The following KDM2B variants were observed in gnomAD, a reference collection of about 807,000 sequenced individuals.
KDM2B encodes the protein lysine demethylase 2B.
Under a neutral mutation model 150.0 loss-of-function variants are expected in KDM2B, and 26 were observed. The ratio of observed to expected loss-of-function variants is 0.17; its 90% CI spans 0.13 to 0.24. The LOEUF (loss-of-function observed/expected upper bound fraction) is 0.24, where lower values mean the gene tolerates loss of function less well. Among genes scored for constraint, KDM2B ranks in the 10% least tolerant of loss-of-function variants. The probability of loss-of-function intolerance (pLI) is 1.00; values close to 1 mark genes in which losing one functional copy is unlikely to be tolerated. For synonymous variants in KDM2B, 734 were observed against 729.5 expected, an observed-to-expected ratio of 1.01 and a Z score of -0.10; for missense variants, 1,265 against 1,816.9, an observed-to-expected ratio of 0.70 and a Z score of 5.52.
intron 12 of KDM2B, among the ~76,000 whole-genome samples, chr12:121,493,646 C>T (rs1216559006): frequency 5.3e-5 from 8 of 152,094 alleles, no homozygotes; most frequent in Non-Finnish European, 7.4e-5. Context: ...GCTGTCCTAA[C>T]GGGTGACTTG....
chr12:121,473,583 A>T (rs1275740900), intron 12 of KDM2B, among the ~76,000 whole-genome samples: 2 of 150,448 alleles, frequency 1.3e-5, no homozygotes, highest in African/African-American at 4.9e-5. Flanking sequence ...GCCAGGCATG[A>T]TGGCACACGC....
intron 12 of KDM2B, among the ~76,000 whole-genome samples, chr12:121,490,674 C>A (rs1346638388): frequency 1.3e-5 from 2 of 152,186 alleles, no homozygotes; most frequent in African/African-American, 4.8e-5. Context: ...AGGAAGCAGC[C>A]AGAGTGTAGA....
In KDM2B at chr12:121,534,644, C is replaced by T. The variant is rs115940813; in HGVS notation, c.684-54G>A. The T allele has an allele frequency of 4.0e-3, 5,543 of 1,386,992 alleles. 173 individuals carry two copies. In the African/African-American group the frequency reaches 0.07, roughly 17 times the overall value. 85.9% of individuals were successfully genotyped at this position (1,386,992 alleles called of 1,614,324 possible). On this transcript the variant is annotated intron_variant, in intron 6 of 22. Coordinates refer to ENST00000377071, the MANE Select transcript of KDM2B (RefSeq NM_032590.5). ...ACAAGTCAAGATCTAAATCACAAGA[C>T]GTAAGCAAAGGACTTCAGAGGTCCT...
chr12:121,564,806 G>T (rs1381317194), intron 4 of KDM2B, among the ~76,000 whole-genome samples: 1 of 146,476 alleles, frequency 6.8e-6, no homozygotes, highest in Non-Finnish European at 1.5e-5. Flanking sequence ...CACAAGACAA[G>T]GCAATCTTTT....
At position 121,578,303 on chromosome 12, in the gene KDM2B, C is replaced by A. The variant is rs891958927; in HGVS notation, c.271+499G>T. Among the ~76,000 whole-genome samples, 9 of 152,174 alleles carry A rather than the reference C, an allele frequency of 5.9e-5. No individual in the cohort carries two copies. In the East Asian group the frequency reaches 1.7e-3, roughly 29 times the overall value. On this transcript the variant is annotated intron_variant, in intron 2 of 22. Transcript: ENST00000377071. ...CCCCAGGCCTAAGGGGGCATCGTCC[C>A]AAACACCCGACGCGCCCCCATCACC...
Position 121,444,506 on chromosome 12 carries a change from C to T in KDM2B, c.2134G>A (p.Glu712Lys). 2 of 1,614,154 alleles carry T rather than the reference C, an allele frequency of 1.2e-6. No homozygotes were observed. Among genetic ancestry groups the T allele is most frequent in the Non-Finnish European group, 1.7e-6 (2 of 1,180,028 alleles). Residue 712 changes from glutamate (E) to lysine (K), a missense_variant, in exon 15 of 23, where the codon GAG becomes AAG. Glu to Lys is a moderately conservative substitution (Grantham distance 56, BLOSUM62 1). Coordinates refer to ENST00000377071, the MANE Select transcript of KDM2B (RefSeq NM_032590.5). ...GGACACTCCCAGCAGTTTGGAAGCT[C>T]GTCGTTGACCACACCCTCTGACTCC... The part of the protein sequence containing the change: ...IKESEGVVND[E>K]LPNCWECPKC...
At chr12:121,517,563 G>A (rs1555305239) in intron 9 of KDM2B, among the ~76,000 whole-genome samples, 2 of 151,734 alleles carry the variant, frequency 1.3e-5, no homozygotes, top group Non-Finnish European at 2.9e-5. Context: ...CTGCCTACTG[G>A]GTTCAAGCAA....
At chr12:121,579,176 T>C (rs1364394247) in intron 1 of KDM2B, among the ~76,000 whole-genome samples, 1 of 152,264 alleles carries the variant, frequency 6.6e-6, no homozygotes, top group African/African-American at 2.4e-5. Context: ...CCCTCCGGTG[T>C]CTTCGGAAGC....
chr12:121,425,306 CAAAAAAA>C (rs562993599), downstream of KDM2B, among the ~76,000 whole-genome samples: 6 of 79,146 alleles, frequency 7.6e-5, no homozygotes, highest in East Asian at 1.8e-3. Context: ...AACTCCGTCT[CAAAAAAA>C]AAAAAAAAAA....
chr12:121,572,895 G>A (rs569873586), intron 4 of KDM2B, among the ~76,000 whole-genome samples: 9 of 148,736 alleles, frequency 6.1e-5, no homozygotes, highest in African/African-American at 7.5e-5. Flanking sequence ...GCACGATCTC[G>A]GCTCACCACA....
intron 6 of KDM2B, among the ~76,000 whole-genome samples, chr12:121,548,054 C>T (rs1889206733): frequency 2.0e-5 from 3 of 152,128 alleles, no homozygotes; most frequent in African/African-American, 7.2e-5. Context: ...GGTGCTACAG[C>T]CCATGTTAAA....
rs1427768887 is a variant in KDM2B at position 121,537,258 on chromosome 12, T to G, written c.684-2668A>C. 2.0e-5 allele frequency: 3 copies of G among 152,170 alleles called. No homozygotes were observed. The highest frequency in any genetic ancestry group is 4.4e-5 in the Non-Finnish European group (3 of 68,540). 9.4% of individuals were successfully genotyped at this position (152,170 alleles called of 1,614,324 possible). A position where few individuals can be genotyped will look rare whatever the true frequency, so the allele number is the denominator to read the frequency against. ...TCCCGCCCCGCGCTGGCTCCGGGGC[T>G]CCCCCCTGGCTGGTTTGCTCGCTCG... On this transcript the variant is annotated intron_variant, in intron 6 of 22. Coordinates refer to ENST00000377071, the MANE Select transcript of KDM2B (RefSeq NM_032590.5). The surrounding 1 kb of genome is among the most constrained non-coding windows in gnomAD (Gnocchi z 8.7).
chr12:121,576,944 C>T (rs1891535757), intron 2 of KDM2B, among the ~76,000 whole-genome samples: 1 of 152,208 alleles, frequency 6.6e-6, no homozygotes, highest in Non-Finnish European at 1.5e-5. Context: ...AAACCCAAAG[C>T]CGGGGAAAGC....
At chr12:121,498,542 T>C (rs187315043) in intron 11 of KDM2B, among the ~76,000 whole-genome samples, 2 of 152,342 alleles carry the variant, frequency 1.3e-5, no homozygotes, top group African/African-American at 4.8e-5. Flanking sequence ...AAAAACCCAC[T>C]GTGAGTGAAA....
intron 4 of KDM2B, among the ~76,000 whole-genome samples, chr12:121,559,352 G>A (rs782462928): frequency 6.6e-6 from 1 of 150,528 alleles, no homozygotes; most frequent in Non-Finnish European, 1.5e-5. Flanking sequence ...GGAGGGGTGG[G>A]AGGGGAAGTG....
chr12:121,456,201 G>A (rs766640728), intron 12 of KDM2B, among the ~76,000 whole-genome samples: 22 of 152,204 alleles, frequency 1.4e-4, no homozygotes, highest in Non-Finnish European at 2.4e-4. Flanking sequence ...ATGCATGTGC[G>A]AAGTGCAGCG....
intron 22 of KDM2B, among the ~76,000 whole-genome samples, chr12:121,434,140 A>C (rs1873541816): frequency 6.6e-6 from 1 of 151,886 alleles, no homozygotes; most frequent in South Asian, 2.1e-4. Flanking sequence ...TGATTACCTC[A>C]CTGCACTCCA....
At position 121,434,675 on chromosome 12, in the gene KDM2B, C is replaced by T. The variant is rs1421567778; in HGVS notation, c.3830-4206G>A. 3.9e-5 allele frequency among the ~76,000 whole-genome samples: 6 copies of T among 152,100 alleles called. No individual in the cohort carries two copies. The East Asian group carries it at 5.8e-4, about 15-fold the overall frequency. On this transcript the variant is annotated intron_variant, in intron 22 of 22. Coordinates refer to ENST00000377071, the MANE Select transcript of KDM2B (RefSeq NM_032590.5). ...GACATGCAAAAGAATAAGCTGGACC[C>T]GGCCGTGCGTGATGGCTCATGCCTG...
chr12:121,580,427 G>C (rs1409714901), intron 1 of KDM2B: 1 of 1,161,046 alleles, frequency 8.6e-7, no homozygotes, highest in Non-Finnish European at 1.1e-6. Flanking sequence ...ACCGGGCGCC[G>C]TTAGCGCCGT....
Sources: gnomAD v4.1 joint callset for allele counts (sites outside exome capture counted in the v4.1 genomes callset) on GRCh38, gnomAD v4.1.1 for gene constraint, Gnocchi (gnomAD v3.1) non-coding constraint, MANE v1.5 for transcripts, NCBI Gene and HGNC (gene_info 2026-07-23, HGNC 2026-07-21) for gene names.